The following SCAPER variants were observed in gnomAD, a reference collection of about 807,000 sequenced individuals.
SCAPER encodes S phase cyclin A-associated protein in the endoplasmic reticulum.
SCAPER carries 98 observed loss-of-function variants against 182.2 expected under a neutral mutation model. The ratio of observed to expected loss-of-function variants is 0.54; its 90% CI spans 0.46 to 0.64. SCAPER has a LOEUF of 0.64. Ranked by LOEUF, SCAPER falls within the 30% of genes least tolerant of loss-of-function variation. The pLI is 0.00. For missense variants in SCAPER, 1,432 were observed against 1,690.0 expected (o/e 0.85, Z 2.68); for synonymous variants, 605 against 564.6 (o/e 1.07, Z -1.01).
intron 22 of SCAPER, among the ~76,000 whole-genome samples, chr15:76,585,828 T>C (rs370005530): frequency 1.3e-5 from 2 of 152,298 alleles, no homozygotes; most frequent in South Asian, 4.1e-4. Context: ...TAAATAATTA[T>C]AGAATGTCAG....
At chr15:76,865,535 A>C (rs1409166097) in intron 2 of SCAPER, among the ~76,000 whole-genome samples, 1 of 152,140 alleles carries the variant, frequency 6.6e-6, no homozygotes, top group African/African-American at 2.4e-5. Context: ...GAAATAAATA[A>C]ACAGAATGGA....
chr15:76,664,158 C>A (rs1214574605), intron 21 of SCAPER, among the ~76,000 whole-genome samples: 1 of 152,070 alleles, frequency 6.6e-6, no homozygotes, highest in African/African-American at 2.4e-5. Context: ...ACAAGAGCAG[C>A]GACAGGCTGT....
chr15:76,658,909 A>G (rs987091616), intron 21 of SCAPER, among the ~76,000 whole-genome samples: 4 of 152,222 alleles, frequency 2.6e-5, no homozygotes, highest in African/African-American at 9.6e-5. Flanking sequence ...ACCATTTACA[A>G]TAATCAACTC....
intron 23 of SCAPER, among the ~76,000 whole-genome samples, chr15:76,523,603 CA>C (rs2042979373): frequency 6.6e-6 from 1 of 152,018 alleles, no homozygotes; most frequent in African/African-American, 2.4e-5. Context: ...CACCCAATGC[CA>C]AATACTGAGG....
At chr15:76,747,284 A>C (rs1336485084) in intron 15 of SCAPER, among the ~76,000 whole-genome samples, 1 of 152,194 alleles carries the variant, frequency 6.6e-6, no homozygotes, top group African/African-American at 2.4e-5. Flanking sequence ...TGGGCAGATC[A>C]CAAGGTCAAG....
intron 17 of SCAPER, among the ~76,000 whole-genome samples, chr15:76,710,100 C>T (rs1394399807): frequency 1.3e-5 from 2 of 152,088 alleles, no homozygotes; most frequent in Admixed American, 6.5e-5. Flanking sequence ...AGATTGAGAA[C>T]AAAACAAGGA....
chr15:76,447,755 T>C (rs962409671), intron 25 of SCAPER, among the ~76,000 whole-genome samples: 3 of 152,228 alleles, frequency 2.0e-5, no homozygotes, highest in Non-Finnish European at 2.9e-5. Context: ...TCATTGAACA[T>C]TTTTTGAATA....
chr15:76,675,652 T>C (rs1167262131), intron 20 of SCAPER, among the ~76,000 whole-genome samples: 5 of 152,166 alleles, frequency 3.3e-5, no homozygotes, highest in African/African-American at 9.7e-5. Flanking sequence ...CATAATTCCA[T>C]AGCCAAATCT....
intron 21 of SCAPER, among the ~76,000 whole-genome samples, chr15:76,648,219 T>G (rs1440669144): frequency 6.9e-6 from 1 of 145,524 alleles, no homozygotes; most frequent in Non-Finnish European, 1.5e-5. Flanking sequence ...ATCGAGAAAC[T>G]GAAACTATAA....
At chr15:76,503,092 C>CA (rs1166047021) in intron 24 of SCAPER, among the ~76,000 whole-genome samples, 1 of 151,942 alleles carries the variant, frequency 6.6e-6, no homozygotes, top group Non-Finnish European at 1.5e-5. Context: ...AAAAACAAAA[C>CA]AAAAAACCTC....
chr15:76,652,371 CATAT>C (rs56164668), intron 21 of SCAPER, among the ~76,000 whole-genome samples: 48 of 8,038 alleles, frequency 6.0e-3, no homozygotes, highest in Middle Eastern at 0.026. Context: ...CACACACACA[CATAT>C]ATATATATAT....
At chr15:76,609,022 C>T (rs762928827) in intron 22 of SCAPER, among the ~76,000 whole-genome samples, 1 of 152,128 alleles carries the variant, frequency 6.6e-6, no homozygotes, top group Non-Finnish European at 1.5e-5. Context: ...GTGCGCTGTG[C>T]CTACCGTCCT....
chr15:76,442,182 T>C (rs2047661302), intron 25 of SCAPER, among the ~76,000 whole-genome samples: 1 of 152,196 alleles, frequency 6.6e-6, no homozygotes, highest in Non-Finnish European at 1.5e-5. Context: ...CGTGTTCACC[T>C]CTTACTCCTG....
chr15:76,428,979 T>C (rs556993253), intron 26 of SCAPER, among the ~76,000 whole-genome samples: 4 of 149,954 alleles, frequency 2.7e-5, no homozygotes, highest in Non-Finnish European at 5.9e-5. Context: ...TGAATTCCCA[T>C]GTATTGAGGG....
intron 18 of SCAPER, among the ~76,000 whole-genome samples, chr15:76,705,491 A>G (rs1367410649): frequency 1.3e-5 from 2 of 151,764 alleles, no homozygotes; most frequent in Non-Finnish European, 2.9e-5. Context: ...TGGCACATGT[A>G]TATATATGTA....
chr15:76,633,965 A>AT (rs2146284522), intron 21 of SCAPER, among the ~76,000 whole-genome samples: 1 of 152,254 alleles, frequency 6.6e-6, no homozygotes, highest in Admixed American at 6.5e-5. Context: ...CCCCCTTCCC[A>AT]TGGAGTGGAT....
intron 24 of SCAPER, among the ~76,000 whole-genome samples, chr15:76,489,284 C>G (rs2052037101): frequency 6.8e-6 from 1 of 147,062 alleles, no homozygotes; most frequent in Non-Finnish European, 1.5e-5. Flanking sequence ...TATTTTTGCT[C>G]TTTTGCTATG....
chr15:76,571,497 C>A (rs2459359), intron 23 of SCAPER, among the ~76,000 whole-genome samples: 1 of 152,048 alleles, frequency 6.6e-6, no homozygotes, highest in African/African-American at 2.4e-5. Flanking sequence ...GTTTCCTGAC[C>A]CCTTCCATGA....
chr15:76,670,112 A>G (rs2056904481), intron 20 of SCAPER, among the ~76,000 whole-genome samples: 1 of 152,120 alleles, frequency 6.6e-6, no homozygotes, highest in African/African-American at 2.4e-5. Flanking sequence ...CCAGAGACAA[A>G]TGAGCATGTT....
Sources: gnomAD v4.1 joint callset for allele counts (sites outside exome capture counted in the v4.1 genomes callset) on GRCh38, gnomAD v4.1.1 for gene constraint, MANE v1.5 for transcripts, NCBI Gene and HGNC (gene_info 2026-07-23, HGNC 2026-07-21) for gene names.